The following ERC2 variants were observed in gnomAD, a reference collection of about 807,000 sequenced individuals.
ERC2 encodes the protein ERC protein 2.
In ERC2, 42 loss-of-function variants were observed where a neutral mutation model predicts 114.8. The ratio of observed to expected loss-of-function variants is 0.37; its 90% CI spans 0.29 to 0.47. ERC2 has a LOEUF of 0.47. Among genes scored for constraint, ERC2 ranks in the 20% least tolerant of loss-of-function variants. The probability of loss-of-function intolerance (pLI) is 0.99; values close to 1 mark genes in which losing one functional copy is unlikely to be tolerated. For synonymous variants in ERC2, 454 were observed against 425.5 expected (o/e 1.07, Z -0.82); for missense variants, 939 against 1,150.7 (o/e 0.82, Z 2.66).
chr3:56,249,475 G>A (rs544548839), intron 3 of ERC2, among the ~76,000 whole-genome samples: 11 of 152,046 alleles, frequency 7.2e-5, no homozygotes, highest in South Asian at 2.1e-4. Flanking sequence ...ACAGGCGCCC[G>A]CCACCACGCC....
At chr3:55,859,321 A>C (rs2061924490) in intron 14 of ERC2, among the ~76,000 whole-genome samples, 1 of 149,828 alleles carries the variant, frequency 6.7e-6, no homozygotes, top group South Asian at 2.1e-4. Context: ...CCCTTCCCTC[A>C]CCCCCTCGCA....
rs907642185 is a variant in ERC2, at chr3:56,239,297, G to A, written c.1074+56722C>T. 3.3e-5 allele frequency among the ~76,000 whole-genome samples: 5 copies of A among 152,200 alleles called. No individual in the cohort carries two copies. In the Middle Eastern group the frequency reaches 0.01, roughly 311 times the overall value. ...TTTCGGAGGCCGAGGCGGGCAGGTT[G>A]CCTGAGCTCAGGAGTTTGCGACCAG... On this transcript the variant is annotated intron_variant, in intron 3 of 17. Coordinates refer to ENST00000288221, the MANE Select transcript of ERC2 (RefSeq NM_015576.3).
chr3:55,842,206 T>G (rs1185294881), intron 14 of ERC2, among the ~76,000 whole-genome samples: 1 of 152,214 alleles, frequency 6.6e-6, no homozygotes, highest in African/African-American at 2.4e-5. Context: ...GAAGTCAAAC[T>G]CAGGTTGGCT....
At chr3:56,287,927 T>TA (rs1283243532) in intron 3 of ERC2, among the ~76,000 whole-genome samples, 1 of 152,208 alleles carries the variant, frequency 6.6e-6, no homozygotes, top group African/African-American at 2.4e-5. Context: ...AGGCTGCCCT[T>TA]AGTGAGTGCC....
At chr3:56,233,777 G>A (rs2050774689) in intron 3 of ERC2, among the ~76,000 whole-genome samples, 1 of 152,132 alleles carries the variant, frequency 6.6e-6, no homozygotes. Flanking sequence ...CCTTCTAGAG[G>A]TGGCCCGTAT....
intron 14 of ERC2, among the ~76,000 whole-genome samples, chr3:55,822,568 CTT>C (rs202173599): frequency 8.0e-5 from 11 of 137,050 alleles, no homozygotes; most frequent in Non-Finnish European, 7.8e-5. Flanking sequence ...TCTTTTTTTT[CTT>C]TTTTTTTTTT....
chr3:56,443,531 G>T (rs1374834419), intron 1 of ERC2, among the ~76,000 whole-genome samples: 1 of 152,124 alleles, frequency 6.6e-6, no homozygotes, highest in Non-Finnish European at 1.5e-5. Flanking sequence ...GGTCCCCATG[G>T]CTGTCATGTT....
chr3:56,028,372 C>T (rs1005606860), intron 7 of ERC2, among the ~76,000 whole-genome samples: 1 of 152,024 alleles, frequency 6.6e-6, no homozygotes, highest in Non-Finnish European at 1.5e-5. Context: ...CTCATTAAAT[C>T]TATATAGCAC....
intron 7 of ERC2, among the ~76,000 whole-genome samples, chr3:56,032,426 CAT>C (rs1319438468): frequency 4.6e-5 from 7 of 151,976 alleles, no homozygotes; most frequent in Admixed American, 1.3e-4. Context: ...GCAATATATG[CAT>C]TATGTGAGTC....
At chr3:56,099,872 C>A (rs1391588311) in intron 6 of ERC2, among the ~76,000 whole-genome samples, 1 of 152,144 alleles carries the variant, frequency 6.6e-6, no homozygotes, top group Non-Finnish European at 1.5e-5. Flanking sequence ...CTTGCCTTTC[C>A]CCCTTGCCAG....
At chr3:56,382,200 C>T (rs1394126385) in intron 2 of ERC2, among the ~76,000 whole-genome samples, 1 of 152,124 alleles carries the variant, frequency 6.6e-6, no homozygotes, top group African/African-American at 2.4e-5. Flanking sequence ...AACACGTGTG[C>T]CTACCCATAG....
At chr3:55,856,361 T>C (rs528361126) in intron 14 of ERC2, among the ~76,000 whole-genome samples, 4 of 152,278 alleles carry the variant, frequency 2.6e-5, no homozygotes, top group East Asian at 3.9e-4. Flanking sequence ...AGGAAGAATT[T>C]TGTGACTCGT....
intron 2 of ERC2, among the ~76,000 whole-genome samples, chr3:56,330,121 C>A (rs1056477694): frequency 6.6e-6 from 1 of 152,108 alleles, no homozygotes; most frequent in African/African-American, 2.4e-5. Context: ...GCAGCCTCAA[C>A]CTCCCAGGCT....
intron 16 of ERC2, among the ~76,000 whole-genome samples, chr3:55,686,310 G>T (rs1250451566): frequency 6.6e-6 from 1 of 152,184 alleles, no homozygotes; most frequent in Non-Finnish European, 1.5e-5. Context: ...CATGAACTCA[G>T]AATATTATGC....
chr3:55,850,911 A>G (rs2149240746), intron 14 of ERC2, among the ~76,000 whole-genome samples: 1 of 150,996 alleles, frequency 6.6e-6, no homozygotes, highest in South Asian at 2.1e-4. Flanking sequence ...AAAGGGCAAC[A>G]TTTGGTCTCT....
chr3:55,697,002 C>G (rs774303434), intron 16 of ERC2, among the ~76,000 whole-genome samples: 12 of 152,224 alleles, frequency 7.9e-5, no homozygotes, highest in Non-Finnish European at 1.5e-4. Flanking sequence ...GAATAAGTTT[C>G]TAAGGTATGG....
intron 17 of ERC2, among the ~76,000 whole-genome samples, chr3:55,511,896 A>G (rs1239565443): frequency 6.6e-6 from 1 of 152,220 alleles, no homozygotes; most frequent in Non-Finnish European, 1.5e-5. Flanking sequence ...TAGTGCAATG[A>G]GTGAGAAGGG....
intron 14 of ERC2, among the ~76,000 whole-genome samples, chr3:55,882,834 C>G (rs2063175608): frequency 6.6e-6 from 1 of 152,164 alleles, no homozygotes; most frequent in African/African-American, 2.4e-5. Context: ...AAGTTGGCCT[C>G]AGTTCCTAAA....
chr3:56,227,275 T>A (rs1220220702), intron 3 of ERC2, among the ~76,000 whole-genome samples: 1 of 152,090 alleles, frequency 6.6e-6, no homozygotes, highest in Non-Finnish European at 1.5e-5. Context: ...GGGAATGAAT[T>A]CACTATAATG....
Sources: gnomAD v4.1 joint callset for allele counts (sites outside exome capture counted in the v4.1 genomes callset) on GRCh38, gnomAD v4.1.1 for gene constraint, MANE v1.5 for transcripts, NCBI Gene and HGNC (gene_info 2026-07-23, HGNC 2026-07-21) for gene names.